The following GNAQ variants were observed in gnomAD, a reference collection of about 807,000 sequenced individuals.
GNAQ encodes the protein guanine nucleotide-binding protein G(q) subunit alpha.
GNAQ carries 8 observed loss-of-function variants against 43.9 expected under a neutral mutation model. The observed-to-expected ratio is 0.18, with a 90% CI of 0.11 to 0.33. GNAQ has a LOEUF of 0.33. Ranked by LOEUF, GNAQ falls within the 10% of genes least tolerant of loss-of-function variation. The probability of loss-of-function intolerance (pLI) is 1.00; values close to 1 mark genes in which losing one functional copy is unlikely to be tolerated. For synonymous variants in GNAQ, 155 were observed against 170.7 expected (o/e 0.91, Z 0.71); for missense variants, 158 against 450.8 (o/e 0.35, Z 5.88).
chr9:77,856,667 T>G (rs1470499726), intron 2 of GNAQ, among the ~76,000 whole-genome samples: 1 of 152,160 alleles, frequency 6.6e-6, no homozygotes, highest in East Asian at 1.9e-4. Context: ...CCTAGCAAAT[T>G]TAAGGAAACT....
chr9:77,722,886 C>T (rs749132374), intron 6 of GNAQ, among the ~76,000 whole-genome samples: 10 of 152,082 alleles, frequency 6.6e-5, no homozygotes, highest in Non-Finnish European at 1.0e-4. Context: ...TCAAGCAGTC[C>T]TCCCACTTCA....
At chr9:77,772,435 G>A (rs1375602883) in intron 5 of GNAQ, among the ~76,000 whole-genome samples, 2 of 152,072 alleles carry the variant, frequency 1.3e-5, no homozygotes, top group South Asian at 2.1e-4. Context: ...CAATCTTCCT[G>A]GAATACATTC....
chr9:77,863,613 T>C (rs994959714), intron 2 of GNAQ, among the ~76,000 whole-genome samples: 6 of 152,174 alleles, frequency 3.9e-5, no homozygotes, highest in Non-Finnish European at 5.9e-5. Context: ...CCCCACTCTA[T>C]TGGTACCAAT....
chr9:77,999,499 G>A (rs932722353), intron 1 of GNAQ, among the ~76,000 whole-genome samples: 4 of 152,194 alleles, frequency 2.6e-5, no homozygotes, highest in Non-Finnish European at 5.9e-5. Flanking sequence ...CACAGAAAAT[G>A]TTATCTAATA....
chr9:77,977,102 G>A (rs1371547346), intron 1 of GNAQ, among the ~76,000 whole-genome samples: 1 of 152,100 alleles, frequency 6.6e-6, no homozygotes, highest in African/African-American at 2.4e-5. Flanking sequence ...CTTGAAAAAT[G>A]GGATTATTTA....
intron 2 of GNAQ, among the ~76,000 whole-genome samples, chr9:77,836,777 C>A (rs1328523): frequency 0.54 from 82,029 of 151,984 alleles, 25,123 homozygotes; most frequent in Middle Eastern, 0.69. Flanking sequence ...TTAAACTATA[C>A]CCATTTAAAT....
intron 2 of GNAQ, among the ~76,000 whole-genome samples, chr9:77,833,328 C>G (rs1827332251): frequency 1.3e-5 from 2 of 152,214 alleles, no homozygotes; most frequent in African/African-American, 4.8e-5. Context: ...GTAGTAGCAC[C>G]TCTCTCCCTT....
rs192699714 is a variant in GNAQ, at chr9:77,986,431, A to C, written c.136+44669T>G. ...CAAACCTAATCAAAGCTCAAACCTT[A>C]AGCCTCAGTTTCTAAGAGAGGTCTA... On this transcript the variant is annotated intron_variant, in intron 1 of 6. Coordinates refer to ENST00000286548, the MANE Select transcript of GNAQ (RefSeq NM_002072.5). 1.2e-3 allele frequency among the ~76,000 whole-genome samples: 183 copies of C among 152,288 alleles called. 2 individuals are homozygous for C. The highest frequency in any genetic ancestry group is 4.2e-3 in the African/African-American group (174 of 41,564).
chr9:77,842,023 C>T (rs1273402276), intron 2 of GNAQ, among the ~76,000 whole-genome samples: 2 of 152,142 alleles, frequency 1.3e-5, no homozygotes, highest in African/African-American at 4.8e-5. Context: ...AGGTGTATAG[C>T]TTAGAAATTA....
chr9:77,939,826 T>C lies in GNAQ; in HGVS notation c.137-17481A>G, dbSNP rs562436425. ...TTTGAAACATGGCCATTGAACTCTT[T>C]TGCATATTAAGAATATAAGACTGTG... On this transcript the variant is annotated intron_variant, in intron 1 of 6. Coordinates refer to ENST00000286548, the MANE Select transcript of GNAQ (RefSeq NM_002072.5). Among the ~76,000 whole-genome samples, 36 of 152,326 alleles carry C rather than the reference T, an allele frequency of 2.4e-4. 1 individual carries two copies. The South Asian group carries it at 3.3e-3, about 14-fold the overall frequency.
At chr9:77,989,387 C>T (rs1823481321) in intron 1 of GNAQ, among the ~76,000 whole-genome samples, 1 of 152,164 alleles carries the variant, frequency 6.6e-6, no homozygotes, top group Non-Finnish European at 1.5e-5. Flanking sequence ...CTGAATTGGA[C>T]CATTGCTGCA....
chr9:77,952,988 A>C (rs1823000628), intron 1 of GNAQ, among the ~76,000 whole-genome samples: 1 of 152,240 alleles, frequency 6.6e-6, no homozygotes, highest in Non-Finnish European at 1.5e-5. Context: ...GAATAAACAC[A>C]GAAAACTTGT....
At chr9:78,016,433 C>T (rs990961357) in intron 1 of GNAQ, among the ~76,000 whole-genome samples, 1 of 152,168 alleles carries the variant, frequency 6.6e-6, no homozygotes, top group Non-Finnish European at 1.5e-5. Flanking sequence ...CACCTGTAAT[C>T]CCAGCACTTT....
rs183399236 is a variant in GNAQ, at chr9:77,721,621, C to T, written c.890-108G>A. The T allele has an allele frequency of 3.1e-4, 222 of 715,938 alleles. No homozygotes were observed. In the African/African-American group the frequency reaches 3.4e-3, roughly 11 times the overall value. The allele number at this position is 715,938 out of a possible 1,614,324, so 44.3% of individuals were successfully genotyped here. A position where few individuals can be genotyped will look rare whatever the true frequency, so the allele number is the denominator to read the frequency against. On this transcript the variant is annotated intron_variant, in intron 6 of 6. Coordinates refer to ENST00000286548, the MANE Select transcript of GNAQ (RefSeq NM_002072.5). Reference sequence around the variant, plus strand: ...TCATTGCTCATGAAGCCTACATCTGCACTGCAGATTTGATCTGTTATAATC... The same window carrying T: ...TCATTGCTCATGAAGCCTACATCTGTACTGCAGATTTGATCTGTTATAATC...
At chr9:77,785,565 C>G (rs980816195) in intron 5 of GNAQ, among the ~76,000 whole-genome samples, 2 of 152,130 alleles carry the variant, frequency 1.3e-5, no homozygotes, top group Non-Finnish European at 2.9e-5. Context: ...CAGATGGTGA[C>G]TACATGGATG....
intron 2 of GNAQ, among the ~76,000 whole-genome samples, chr9:77,835,279 T>TAGATA (rs1325972289): frequency 6.6e-6 from 1 of 151,696 alleles, no homozygotes; most frequent in African/African-American, 2.4e-5. Flanking sequence ...AAGGCCCTAC[T>TAGATA]AGATAAGGGA....
chr9:77,750,839 C>A (rs536906293), intron 5 of GNAQ, among the ~76,000 whole-genome samples: 1 of 152,322 alleles, frequency 6.6e-6, no homozygotes, highest in South Asian at 2.1e-4. Flanking sequence ...ACTCCCCCAA[C>A]ACCCAAACAA....
intron 1 of GNAQ, among the ~76,000 whole-genome samples, chr9:77,944,385 T>G (rs949996761): frequency 6.6e-6 from 1 of 151,166 alleles, no homozygotes; most frequent in African/African-American, 2.4e-5. Flanking sequence ...AAGATGCAGG[T>G]TGTCACTTAA....
intron 1 of GNAQ, among the ~76,000 whole-genome samples, chr9:78,000,296 C>T (rs1407582911): frequency 6.6e-6 from 1 of 152,120 alleles, no homozygotes; most frequent in African/African-American, 2.4e-5. Context: ...ACACATCAGT[C>T]CTCTGGTAAG....
Sources: gnomAD v4.1 joint callset for allele counts (sites outside exome capture counted in the v4.1 genomes callset) on GRCh38, gnomAD v4.1.1 for gene constraint, MANE v1.5 for transcripts, NCBI Gene and HGNC (gene_info 2026-07-23, HGNC 2026-07-21) for gene names.